The following RBFOX1 variants were observed in gnomAD, a reference collection of about 807,000 sequenced individuals.
RBFOX1 encodes the protein RNA binding fox-1 homolog 1, also known as RNA binding protein fox-1 homolog 1.
In RBFOX1, 8 loss-of-function variants were observed where a neutral mutation model predicts 57.7. The observed-to-expected ratio is 0.14, with a 90% CI of 0.08 to 0.25. The LOEUF (loss-of-function observed/expected upper bound fraction) is 0.25, where lower values mean the gene tolerates loss of function less well. Among genes scored for constraint, RBFOX1 ranks in the 10% least tolerant of loss-of-function variants. The probability of loss-of-function intolerance (pLI) is 1.00; values close to 1 mark genes in which losing one functional copy is unlikely to be tolerated. For missense variants in RBFOX1, 611 were observed against 548.5 expected, an observed-to-expected ratio of 1.11 and a Z score of -1.14; for synonymous variants, 326 against 222.4, an observed-to-expected ratio of 1.47 and a Z score of -4.15.
At chr16:6,743,355 A>G (rs1235608933) in intron 3 of RBFOX1, among the ~76,000 whole-genome samples, 1 of 152,146 alleles carries the variant, frequency 6.6e-6, no homozygotes, top group East Asian at 1.9e-4. Context: ...TTCTAAATAT[A>G]CTCAGTTCAA....
intron 3 of RBFOX1, among the ~76,000 whole-genome samples, chr16:6,749,516 G>C (rs1440257876): frequency 6.6e-6 from 1 of 152,132 alleles, no homozygotes; most frequent in African/African-American, 2.4e-5. Flanking sequence ...TGAGGTTCTG[G>C]GGATTTGAAC....
At chr16:7,594,495 A>T (rs932252458) in intron 7 of RBFOX1, among the ~76,000 whole-genome samples, 1 of 152,206 alleles carries the variant, frequency 6.6e-6, no homozygotes, top group Non-Finnish European at 1.5e-5. Flanking sequence ...GGGGCTTTAA[A>T]AATAATGTGT....
At chr16:6,018,384 A>G (rs2095013032), upstream of RBFOX1, among the ~76,000 whole-genome samples, 1 of 152,236 alleles carries the variant, frequency 6.6e-6, no homozygotes, top group Non-Finnish European at 1.5e-5. Context: ...TAAAGTGCTT[A>G]AAACAGCATC....
At chr16:7,472,333 G>A (rs1192590578) in intron 4 of RBFOX1, among the ~76,000 whole-genome samples, 1 of 151,420 alleles carries the variant, frequency 6.6e-6, no homozygotes, top group Non-Finnish European at 1.5e-5. Flanking sequence ...TTTGGAGGAG[G>A]GGATCTTCGT....
At chr16:5,843,468 GTTCT>G (rs980340623) in intron 3 of RBFOX1, among the ~76,000 whole-genome samples, 7 of 152,096 alleles carry the variant, frequency 4.6e-5, no homozygotes, top group African/African-American at 1.7e-4. Flanking sequence ...ACATGATCTC[GTTCT>G]TTCTTATGGC....
At chr16:6,728,977 C>G (rs1400711080) in intron 3 of RBFOX1, among the ~76,000 whole-genome samples, 1 of 152,150 alleles carries the variant, frequency 6.6e-6, no homozygotes, top group Non-Finnish European at 1.5e-5. Context: ...AGTAGTGTCA[C>G]TTTACCAGCA....
intron 2 of RBFOX1, among the ~76,000 whole-genome samples, chr16:6,445,592 GT>G (rs1216785493): frequency 1.8e-4 from 15 of 82,922 alleles, no homozygotes; most frequent in East Asian, 7.7e-4. Flanking sequence ...TTGAGATGGA[GT>G]TTTTTTTTGA....
At chr16:6,138,854 GA>G (rs1296250612) in intron 1 of RBFOX1, among the ~76,000 whole-genome samples, 3 of 152,090 alleles carry the variant, frequency 2.0e-5, no homozygotes, top group African/African-American at 7.2e-5. Context: ...GCGACAGAGT[GA>G]GGCTCCGTCT....
chr16:7,044,634 C>A (rs2047279559), intron 3 of RBFOX1, among the ~76,000 whole-genome samples: 2 of 152,124 alleles, frequency 1.3e-5, no homozygotes, highest in Non-Finnish European at 2.9e-5. Flanking sequence ...CAGCGCCCGA[C>A]CTTCCACTTT....
At chr16:6,707,716 C>T (rs555864463) in intron 3 of RBFOX1, among the ~76,000 whole-genome samples, 134 of 152,294 alleles carry the variant, frequency 8.8e-4, no homozygotes, top group African/African-American at 3.0e-3. Flanking sequence ...CCAGTTTCTG[C>T]TCCATAGCAC....
intron 4 of RBFOX1, among the ~76,000 whole-genome samples, chr16:7,509,852 A>G (rs916582302): frequency 6.6e-6 from 1 of 152,200 alleles, no homozygotes; most frequent in Admixed American, 6.5e-5. Flanking sequence ...GCTGGATTTT[A>G]TAACTTTGCA....
At chr16:7,109,766 G>A (rs905667800) in intron 4 of RBFOX1, among the ~76,000 whole-genome samples, 1 of 152,106 alleles carries the variant, frequency 6.6e-6, no homozygotes, top group Non-Finnish European at 1.5e-5. Flanking sequence ...TGACTCCTTT[G>A]AGCAATTTCA....
chr16:7,201,315 C>T (rs2088372619), intron 4 of RBFOX1, among the ~76,000 whole-genome samples: 1 of 152,126 alleles, frequency 6.6e-6, no homozygotes, highest in South Asian at 2.1e-4. Flanking sequence ...GTGAAGTCAC[C>T]AGCTGAGGTG....
chr16:6,512,650 A>G (rs1598588825), intron 2 of RBFOX1, among the ~76,000 whole-genome samples: 1 of 152,178 alleles, frequency 6.6e-6, no homozygotes, highest in East Asian at 1.9e-4. Context: ...GAAAATGGGA[A>G]TATCTGTGAG....
intron 4 of RBFOX1, among the ~76,000 whole-genome samples, chr16:7,409,345 A>C (rs967384782): frequency 6.6e-6 from 1 of 152,202 alleles, no homozygotes; most frequent in Non-Finnish European, 1.5e-5. Context: ...CTGTGAATTG[A>C]TATTATAAAC....
chr16:7,624,632 G>A (rs1026328469), intron 10 of RBFOX1, among the ~76,000 whole-genome samples: 5 of 152,182 alleles, frequency 3.3e-5, no homozygotes, highest in Non-Finnish European at 7.3e-5. Flanking sequence ...GCCTAGCTGA[G>A]CACTAGAGGC....
intron 2 of RBFOX1, among the ~76,000 whole-genome samples, chr16:6,370,012 C>A (rs2090190070): frequency 6.6e-6 from 1 of 152,072 alleles, no homozygotes; most frequent in South Asian, 2.1e-4. Flanking sequence ...TCTTTTAATC[C>A]ACAACAGTGA....
At chr16:6,733,366 G>C (rs529746183) in intron 3 of RBFOX1, among the ~76,000 whole-genome samples, 1 of 152,268 alleles carries the variant, frequency 6.6e-6, no homozygotes, top group East Asian at 1.9e-4. Flanking sequence ...ATGCTGAACT[G>C]ATCTGTACAC....
chr16:6,582,461 A>ATTT (rs5815331), intron 2 of RBFOX1, among the ~76,000 whole-genome samples: 54,523 of 146,728 alleles, frequency 0.37, 10,939 homozygotes, highest in Non-Finnish European at 0.45. Flanking sequence ...GTTAGCGCCA[A>ATTT]TTTTTTTTTT....
Sources: allele counts gnomAD v4.1 joint callset (sites outside exome capture counted in the v4.1 genomes callset), GRCh38; gene constraint gnomAD v4.1.1; transcripts MANE v1.5; gene names NCBI Gene and HGNC (gene_info 2026-07-23, HGNC 2026-07-21).